The following LAMB1 variants were observed in gnomAD, a reference collection of about 807,000 sequenced individuals.
LAMB1 encodes laminin subunit beta-1.
LAMB1 carries 121 observed loss-of-function variants against 222.3 expected under a neutral mutation model. The ratio of observed to expected loss-of-function variants is 0.54; its 90% CI spans 0.47 to 0.63. The LOEUF (loss-of-function observed/expected upper bound fraction) is 0.63, where lower values mean the gene tolerates loss of function less well. LAMB1 is among the 30% of genes least tolerant of loss of function. The pLI, the probability that LAMB1 is intolerant of heterozygous loss-of-function variation, is 0.00. For missense variants in LAMB1, 2,172 were observed against 2,240.8 expected, an observed-to-expected ratio of 0.97 and a Z score of 0.62; for synonymous variants, 794 against 807.2, an observed-to-expected ratio of 0.98 and a Z score of 0.28.
intron 25 of LAMB1, among the ~76,000 whole-genome samples, chr7:107,939,079 C>G (rs1168989813): frequency 6.6e-6 from 1 of 152,124 alleles, no homozygotes; most frequent in East Asian, 1.9e-4. Context: ...GTGAAGCAGT[C>G]CCCTCAGGCC....
chr7:107,959,449 A>G lies in LAMB1; in HGVS notation c.2490T>C (p.Asn830=). The stretch of plus-strand genomic sequence containing the variant: ...GGCCAGTGACGGGATTGCAGAAGGC[A>G]TTGACAGATCCTTGCAGATGGCACT... The part of the protein sequence containing the change: ...PCECHLQGSV[N]AFCNPVTGQC... Residue 830 remains asparagine (N), a synonymous_variant, in exon 20 of 34, where the codon AAT becomes AAC. Transcript: ENST00000222399. The G allele has an allele frequency of 3.7e-6, 6 of 1,614,252 alleles. No homozygotes were observed. The highest frequency in any genetic ancestry group is 4.2e-6 in the Non-Finnish European group (5 of 1,180,046).
chr7:107,925,266 C>G (rs1489097332), intron 32 of LAMB1, among the ~76,000 whole-genome samples: 2 of 152,126 alleles, frequency 1.3e-5, no homozygotes, highest in Admixed American at 6.5e-5. Flanking sequence ...GCCCCCAGGC[C>G]TACGGACCAG....
At chr7:107,939,574 T>C (rs1361512003) in intron 25 of LAMB1, among the ~76,000 whole-genome samples, 4 of 152,214 alleles carry the variant, frequency 2.6e-5, no homozygotes, top group Non-Finnish European at 4.4e-5. Context: ...GGTAATGGCA[T>C]ATATTATCCT....
At chr7:107,989,480 A>G (rs1303794080) in intron 5 of LAMB1, among the ~76,000 whole-genome samples, 2 of 152,192 alleles carry the variant, frequency 1.3e-5, no homozygotes, top group African/African-American at 2.4e-5. Context: ...TTCTCTGATA[A>G]AAGATGTCAA....
intron 23 of LAMB1, 128 bp downstream of exon 23, chr7:107,951,881 A>C (rs2033258907): frequency 1.3e-6 from 1 of 742,194 alleles, no homozygotes; most frequent in Non-Finnish European, 2.2e-6. Flanking sequence ...GGTACAAATG[A>C]GGGCTAAGAT....
At chr7:107,924,175 A>C in intron 33 of LAMB1, 55 bp downstream of exon 33, 1 of 1,549,812 alleles carries the variant, frequency 6.5e-7, no homozygotes, top group Non-Finnish European at 8.7e-7. Flanking sequence ...ACTTTTAAAT[A>C]AACTATGGAT....
intron 20 of LAMB1, among the ~76,000 whole-genome samples, chr7:107,956,059 G>A (rs2150424851): frequency 6.6e-6 from 1 of 152,288 alleles, no homozygotes; most frequent in Non-Finnish European, 1.5e-5. Flanking sequence ...ACCATGCCCG[G>A]CTAATTTTTG....
At chr7:107,946,147 G>T (rs1169136333) in intron 24 of LAMB1, among the ~76,000 whole-genome samples, 1 of 152,164 alleles carries the variant, frequency 6.6e-6, no homozygotes, top group Non-Finnish European at 1.5e-5. Context: ...TTCTGCCGTG[G>T]ACCTTGCCTC....
chr7:107,963,195 A>ATC (rs1449503438), intron 14 of LAMB1, 132 bp from the exon 15 acceptor site: 1 of 777,466 alleles, frequency 1.3e-6, no homozygotes, highest in Non-Finnish European at 2.0e-6. Flanking sequence ...TTATAGTCAA[A>ATC]TCTCCCCTAA....
chr7:107,989,165 G>A (rs1415210338), intron 5 of LAMB1, among the ~76,000 whole-genome samples: 1 of 152,198 alleles, frequency 6.6e-6, no homozygotes, highest in Non-Finnish European at 1.5e-5. Context: ...AGATTTAGGA[G>A]GGTGTAGTGA....
In LAMB1 at chr7:107,937,194, G is replaced by T; in HGVS notation, c.3845C>A (p.Ala1282Asp). The T allele has an allele frequency of 6.2e-7, 1 of 1,613,812 alleles. No individual in the cohort carries two copies. The highest frequency in any genetic ancestry group is 8.5e-7 in the Non-Finnish European group (1 of 1,179,786). The change falls in exon 26 of 34, where the codon GCC becomes GAC. Residue 1282 changes from alanine to aspartate, a missense_variant. Ala to Asp is a moderately radical substitution (Grantham distance 126). Coordinates refer to ENST00000222399, the MANE Select transcript of LAMB1 (RefSeq NM_002291.3). Reference sequence around the variant, plus strand: ...TGTCTGTAGAGAATCCAGTTCTTTGGCTGTGCTGTTGCTTTGGGAAGTTGT... The same window carrying T: ...TGTCTGTAGAGAATCCAGTTCTTTGTCTGTGCTGTTGCTTTGGGAAGTTGT... ...SDTTSQSNST[A>D]KELDSLQTEA...
chr7:107,947,737 T>C (rs141422191), intron 24 of LAMB1, among the ~76,000 whole-genome samples: 1 of 152,280 alleles, frequency 6.6e-6, no homozygotes, highest in Non-Finnish European at 1.5e-5. Context: ...CTAAAAGCAT[T>C]GAGGATCCGA....
At position 107,959,443 on chromosome 7, in the gene LAMB1, G is replaced by C; in HGVS notation, c.2496C>G (p.Phe832Leu). ...ECHLQGSVNAFCNPVTGQCHC... is the reference protein window; with the variant it reads ...ECHLQGSVNALCNPVTGQCHC... ...GGCACTGGCCAGTGACGGGATTGCA[G>C]AAGGCATTGACAGATCCTTGCAGAT... The change falls in exon 20 of 34, where the codon TTC becomes TTG. Residue 832 changes from phenylalanine to leucine, a missense_variant. Transcript: ENST00000222399. The C allele has an allele frequency of 2.5e-6, 4 of 1,614,232 alleles. No homozygotes were observed. In the South Asian group the frequency reaches 3.3e-5, roughly 13 times the overall value.
At chr7:107,977,896 G>T in intron 9 of LAMB1, 151 bp downstream of exon 9, 1 of 764,142 alleles carries the variant, frequency 1.3e-6, no homozygotes. Context: ...AATGCAGATT[G>T]TTGGTTGTCT....
intron 5 of LAMB1, among the ~76,000 whole-genome samples, chr7:107,991,934 T>A (rs2034192433): frequency 1.3e-5 from 2 of 150,076 alleles, no homozygotes; most frequent in South Asian, 4.2e-4. Flanking sequence ...AAAGAATTTC[T>A]AAGATTCATC....
chr7:107,939,599 GGA>G (rs2032932354), intron 25 of LAMB1, among the ~76,000 whole-genome samples: 1 of 152,104 alleles, frequency 6.6e-6, no homozygotes, highest in African/African-American at 2.4e-5. Context: ...CTTCTCCACA[GGA>G]GAGAAAATAC....
At chr7:107,975,575 C>A in intron 10 of LAMB1, 114 bp downstream of exon 10, 2 of 1,272,214 alleles carry the variant, frequency 1.6e-6, no homozygotes, top group Non-Finnish European at 2.2e-6. Flanking sequence ...ACTGCAATTA[C>A]AATAACAATG....
At position 107,980,822 on chromosome 7, in the gene LAMB1, C is replaced by T; in HGVS notation, c.677-11G>A. On this transcript the variant is annotated splice_polypyrimidine_tract_variant and intron_variant, in intron 7 of 33. Coordinates refer to ENST00000222399, the MANE Select transcript of LAMB1 (RefSeq NM_002291.3). ...TAATTTTTAATAAATCTAGGAAGGT[C>T]ATCAAGAAGATGAAAAGTCTGATCA... The T allele has an allele frequency of 6.5e-7, 1 of 1,533,610 alleles. No homozygotes were observed.
chr7:107,951,945 G>A, intron 23 of LAMB1, 64 bp downstream of exon 23: 3 of 1,413,356 alleles, frequency 2.1e-6, no homozygotes, highest in Non-Finnish European at 2.9e-6. Flanking sequence ...TCTAACTGGG[G>A]CAAAGTCACC....
Sources: allele counts gnomAD v4.1 joint callset (sites outside exome capture counted in the v4.1 genomes callset), GRCh38; gene constraint gnomAD v4.1.1; transcripts MANE v1.5; gene names NCBI Gene and HGNC (gene_info 2026-07-23, HGNC 2026-07-21).